IGFBP2: variants seen among roughly 807,000 people sequenced by gnomAD.
IGFBP2 encodes the protein insulin-like growth factor-binding protein 2.
IGFBP2 carries 12 observed loss-of-function variants against 26.2 expected under a neutral mutation model. The ratio of observed to expected loss-of-function variants is 0.46; its 90% confidence interval spans 0.29 to 0.74. The LOEUF is 0.74. Among genes scored for constraint, IGFBP2 ranks in the 30% least tolerant of loss-of-function variants. The pLI is 0.09. For missense variants in IGFBP2, 328 were observed against 441.2 expected (o/e 0.74, Z 2.30); for synonymous variants, 189 against 200.6 (o/e 0.94, Z 0.49).
At chr2:216,662,236 A>C in intron 3 of IGFBP2, 1 of 557,952 alleles carries the variant, frequency 1.8e-6, no homozygotes, top group Non-Finnish European at 3.2e-6. Flanking sequence ...CACCGGCCTC[A>C]CTTGGAGTCC....
rs1688719396 is a variant in IGFBP2, at chr2:216,664,337, G to A, written c.*233G>A. On this transcript the variant is annotated 3_prime_UTR_variant, in exon 4 of 4. Transcript: ENST00000233809. This position sits in a 1 kb window ranked among gnomAD's most constrained non-coding sequence, Gnocchi z 4.6. ...TCCCCGGGGGAGGAAGGGGGTTGTG[G>A]TCGGGGAGCTGGGGTACAGGTTTGG... is the stretch of plus-strand genomic sequence containing the variant. The A allele has an allele frequency of 7.3e-6, 3 of 410,128 alleles. No homozygotes were observed. The highest frequency in any genetic ancestry group is 2.0e-5 in the African/African-American group (1 of 49,846). The allele number at this position is 410,128 out of a possible 1,614,324, so 25.4% of individuals were successfully genotyped here.
At chr2:216,662,377 A>C (rs1688675704) in intron 3 of IGFBP2, 1 of 242,522 alleles carries the variant, frequency 4.1e-6, no homozygotes, top group African/African-American at 2.2e-5. Context: ...TCAGGTTTAC[A>C]GCTCTAACAA....
Position 216,633,558 on chromosome 2 carries a change from T to TGCCGCCGCC in IGFBP2, c.41_49dup (p.Pro14_Pro16dup), listed in dbSNP as rs1414475116. ...AGAGTGGGCTGCCCCGCGCTGCCGCTGCCGCCGCCGCCGCTGCTGCCGCTG... is the reference window on the plus strand; with the variant it reads ...AGAGTGGGCTGCCCCGCGCTGCCGCTGCCGCCGCCGCCGCCGCCGCCGCTGCTGCCGCTG... On this transcript the variant is annotated inframe_insertion, in exon 1 of 4. Transcript: ENST00000233809. The TGCCGCCGCC allele has an allele frequency of 2.9e-3, 331 of 114,680 alleles. 3 individuals are homozygous for TGCCGCCGCC. The highest frequency in any genetic ancestry group is 0.016 in the African/African-American group (284 of 17,810). The allele number at this position is 114,680 out of a possible 1,614,324, so 7.1% of individuals were successfully genotyped here.
intron 1 of IGFBP2, among the ~76,000 whole-genome samples, chr2:216,658,344 A>G (rs1697957912): frequency 6.6e-6 from 1 of 151,772 alleles, no homozygotes; most frequent in Admixed American, 6.6e-5. Context: ...CAACATTTGA[A>G]CATGCTCAGC....
intron 1 of IGFBP2, among the ~76,000 whole-genome samples, chr2:216,645,223 C>T (rs753000234): frequency 6.6e-6 from 1 of 152,058 alleles, no homozygotes; most frequent in Non-Finnish European, 1.5e-5. Context: ...GTGTGTCAGG[C>T]AGGATAAAGG....
At position 216,633,567 on chromosome 2, in the gene IGFBP2, C is replaced by CCGCTGCT; in HGVS notation, c.44_45insCGCTGCT (p.Pro16AlafsTer119). The CCGCTGCT allele has an allele frequency of 4.1e-6, 4 of 970,430 alleles. No individual in the cohort carries two copies. The highest frequency in any genetic ancestry group is 5.6e-5 in the Admixed American group (1 of 17,976). The allele number at this position is 970,430 out of a possible 1,614,324, so 60.1% of individuals were successfully genotyped here. On this transcript the variant is annotated frameshift_variant, in exon 1 of 4. Coordinates refer to ENST00000233809, the MANE Select transcript of IGFBP2 (RefSeq NM_000597.3). LOFTEE classifies it high-confidence loss of function. ...TGCCCCGCGCTGCCGCTGCCGCCGC[C>CCGCTGCT]GCCGCTGCTGCCGCTGCTGCTGCTG...
rs533964131 is a variant in IGFBP2, at chr2:216,664,040, A to C, written c.914A>C (p.Glu305Ala). ...QGAPTIRGDP[E>A]CHLFYNEQQE... ...GCCCCCACCATCCGGGGGGACCCCGAGTGTCATCTCTTCTACAATGAGCAG... is the reference window on the plus strand; with the variant it reads ...GCCCCCACCATCCGGGGGGACCCCGCGTGTCATCTCTTCTACAATGAGCAG... The change falls in exon 4 of 4, where the codon GAG becomes GCG. Residue 305 changes from glutamate (E) to alanine (A), a missense_variant. By Grantham distance (107) the Glu-to-Ala change is moderately radical. Coordinates refer to ENST00000233809, the MANE Select transcript of IGFBP2 (RefSeq NM_000597.3). The surrounding 1 kb of genome is among the most constrained non-coding windows in gnomAD (Gnocchi z 4.6). 1.7e-5 allele frequency: 28 copies of C among 1,613,936 alleles called. No homozygotes were observed. In the African/African-American group the frequency reaches 3.3e-4, roughly 19 times the overall value.
intron 1 of IGFBP2, among the ~76,000 whole-genome samples, chr2:216,641,136 G>A (rs984817977): frequency 1.1e-4 from 16 of 152,280 alleles, no homozygotes; most frequent in East Asian, 1.9e-4. Context: ...CCCAGGGTGC[G>A]TGTTGGGGTG....
chr2:216,646,496 CAG>C (rs1697711491), intron 1 of IGFBP2, among the ~76,000 whole-genome samples: 1 of 152,314 alleles, frequency 6.6e-6, no homozygotes, highest in African/African-American at 2.4e-5. Context: ...GTTAATGTAA[CAG>C]GGTACTCTTG....
intron 1 of IGFBP2, among the ~76,000 whole-genome samples, chr2:216,641,680 G>A (rs1016138645): frequency 1.3e-5 from 2 of 149,036 alleles, no homozygotes; most frequent in African/African-American, 2.6e-5. Context: ...GGAGACCATC[G>A]GGCTTGCATT....
chr2:216,659,494 G>T (rs1240257545), intron 1 of IGFBP2: 1 of 568,502 alleles, frequency 1.8e-6, no homozygotes, highest in Non-Finnish European at 3.2e-6. Flanking sequence ...GTTGGGGCTG[G>T]GGCTCGGCGG....
Position 216,633,564 on chromosome 2 carries a change from C to CGCCGCCGCTGCT in IGFBP2, c.47_58dup (p.Pro16_Pro19dup), listed in dbSNP as rs1553545461. 2.6e-4 allele frequency: 17 copies of CGCCGCCGCTGCT among 64,282 alleles called. No homozygotes were observed. The highest frequency in any genetic ancestry group is 3.9e-4 in the Non-Finnish European group (16 of 41,514). The allele number at this position is 64,282 out of a possible 1,614,324, so 4.0% of individuals were successfully genotyped here. Reference sequence around the variant, plus strand: ...GGCTGCCCCGCGCTGCCGCTGCCGCCGCCGCCGCTGCTGCCGCTGCTGCTG... The same window carrying CGCCGCCGCTGCT: ...GGCTGCCCCGCGCTGCCGCTGCCGCCGCCGCCGCTGCTGCCGCCGCTGCTGCCGCTGCTGCTG... On this transcript the variant is annotated inframe_insertion, in exon 1 of 4. Coordinates refer to ENST00000233809, the MANE Select transcript of IGFBP2 (RefSeq NM_000597.3).
At chr2:216,640,690 C>G (rs528917101) in intron 1 of IGFBP2, among the ~76,000 whole-genome samples, 5 of 152,342 alleles carry the variant, frequency 3.3e-5, no homozygotes, top group African/African-American at 9.6e-5. Flanking sequence ...CACTGCACCC[C>G]TCTACCTCCG....
chr2:216,656,050 C>T (rs1697916864), intron 1 of IGFBP2, among the ~76,000 whole-genome samples: 1 of 152,000 alleles, frequency 6.6e-6, no homozygotes, highest in Non-Finnish European at 1.5e-5. Context: ...CACTGTGCCT[C>T]CAGAGCCCAA....
intron 2 of IGFBP2, chr2:216,661,467 A>C: frequency 2.8e-6 from 1 of 355,890 alleles, no homozygotes; most frequent in South Asian, 2.3e-5. Flanking sequence ...TTTCCTGCCC[A>C]GCTCTGCCAT....
chr2:216,660,375 A>G (rs1419629688), intron 1 of IGFBP2, among the ~76,000 whole-genome samples, 182 bp from the exon 2 acceptor site: 1 of 152,184 alleles, frequency 6.6e-6, no homozygotes, highest in East Asian at 1.9e-4. Flanking sequence ...CCTAAGAGTT[A>G]GGGTGAAGCT....
At position 216,664,137 on chromosome 2, in the gene IGFBP2, C is replaced by G. The variant is rs779195753; in HGVS notation, c.*33C>G. 2.7e-6 allele frequency: 4 copies of G among 1,505,320 alleles called. No individual in the cohort carries two copies. The South Asian group carries it at 5.2e-5, about 20-fold the overall frequency. The allele number at this position is 1,505,320 out of a possible 1,614,324, so 93.2% of individuals were successfully genotyped here. ...CCAGCCGGTGCCTGGCGCCCCTGCC[C>G]CCCGCCCCTCTCCAAACACCGGCAG... On this transcript the variant is annotated 3_prime_UTR_variant, in exon 4 of 4. Coordinates refer to ENST00000233809, the MANE Select transcript of IGFBP2 (RefSeq NM_000597.3). The surrounding 1 kb of genome is among the most constrained non-coding windows in gnomAD (Gnocchi z 4.6).
At chr2:216,662,165 G>A in intron 3 of IGFBP2, 167 bp downstream of exon 3, 3 of 760,810 alleles carry the variant, frequency 3.9e-6, no homozygotes, top group Non-Finnish European at 6.3e-6. Flanking sequence ...AGGCCGGGGA[G>A]GGTGCAGCTC....
Position 216,661,852 on chromosome 2 carries a change from G to T in IGFBP2, c.673-6G>T, listed in dbSNP as rs200174505. The T allele has an allele frequency of 5.6e-6, 9 of 1,613,956 alleles. No individual in the cohort carries two copies. Among genetic ancestry groups the T allele is most frequent in the Non-Finnish European group, 7.6e-6 (9 of 1,180,016 alleles). On this transcript the variant is annotated splice_region_variant and splice_polypyrimidine_tract_variant and intron_variant, in intron 2 of 3. Coordinates refer to ENST00000233809, the MANE Select transcript of IGFBP2 (RefSeq NM_000597.3). ...TCCGGGCGTCCCCTGCTGTCTGTGC[G>T]TGCAGACTCCCTGCCAACAGGAACT...
Sources: allele counts gnomAD v4.1 joint callset (sites outside exome capture counted in the v4.1 genomes callset), GRCh38; gene constraint gnomAD v4.1.1; non-coding constraint Gnocchi (gnomAD v3.1); transcripts MANE v1.5; gene names NCBI Gene and HGNC (gene_info 2026-07-23, HGNC 2026-07-21).